The following MAP1LC3B2 variants were observed in gnomAD, a reference collection of about 807,000 sequenced individuals.
MAP1LC3B2 encodes the protein microtubule-associated protein 1 light chain 3 beta 2.
For synonymous variants in MAP1LC3B2, 62 were observed against 57.8 expected (o/e 1.07, Z -0.33); for missense variants, 155 against 154.6 (o/e 1.00, Z -0.01).
At chr12:116,571,797 A>G (rs1426183283) in intron 1 of MAP1LC3B2, among the ~76,000 whole-genome samples, 2 of 151,856 alleles carry the variant, frequency 1.3e-5, no homozygotes, top group Admixed American at 6.6e-5. Context: ...TGCTATTCTT[A>G]GGGACGTTAT....
chr12:116,560,197 T>TATATATAC (rs1869220031), intron 1 of MAP1LC3B2: 5 of 7,880 alleles, frequency 6.3e-4, no homozygotes, highest in Admixed American at 4.6e-3. Flanking sequence ...GCTATATATA[T>TATATATAC]ATATATATAT....
intron 1 of MAP1LC3B2, among the ~76,000 whole-genome samples, chr12:116,567,571 C>T (rs1310384895): frequency 6.6e-6 from 1 of 150,378 alleles, no homozygotes; most frequent in Non-Finnish European, 1.5e-5. Context: ...AACATGTTGA[C>T]TCCAGGTCTC....
Position 116,572,962 on chromosome 12 carries a change from G to C in MAP1LC3B2, c.-101-2880G>C, listed in dbSNP as rs114697808. Reference sequence around the variant, plus strand: ...TTTTCCTGAGACAGTCTGGAGTCTGGTTCTGTCTCCCAGGGCCAGTGGCAC... The same window carrying C: ...TTTTCCTGAGACAGTCTGGAGTCTGCTTCTGTCTCCCAGGGCCAGTGGCAC... On this transcript the variant is annotated intron_variant, in intron 1 of 1. Transcript: ENST00000556529. 5.7e-3 allele frequency among the ~76,000 whole-genome samples: 866 copies of C among 152,176 alleles called. 8 individuals carry two copies. Among genetic ancestry groups the C allele is most frequent in the African/African-American group, 0.02 (815 of 41,540 alleles).
intron 1 of MAP1LC3B2, among the ~76,000 whole-genome samples, chr12:116,563,509 G>A (rs1428390847): frequency 6.6e-6 from 1 of 152,134 alleles, no homozygotes. Context: ...TATGTAATAT[G>A]TATTTTTACC....
At chr12:116,565,644 A>G (rs1869368098) in intron 1 of MAP1LC3B2, among the ~76,000 whole-genome samples, 1 of 152,216 alleles carries the variant, frequency 6.6e-6, no homozygotes, top group Admixed American at 6.5e-5. Context: ...CTCCATGCCC[A>G]TGGGGTCCTT....
At chr12:116,570,646 G>C (rs1432582900) in intron 1 of MAP1LC3B2, among the ~76,000 whole-genome samples, 1 of 152,146 alleles carries the variant, frequency 6.6e-6, no homozygotes, top group Non-Finnish European at 1.5e-5. Context: ...TCTCTTGCCT[G>C]CTGCCATGTA....
intron 1 of MAP1LC3B2, among the ~76,000 whole-genome samples, chr12:116,571,732 C>T (rs886298269): frequency 3.3e-5 from 5 of 151,802 alleles, no homozygotes; most frequent in African/African-American, 1.2e-4. Context: ...CCGCCTGTCT[C>T]GGCCGCCCAA....
chr12:116,567,915 C>G (rs1869433284), intron 1 of MAP1LC3B2, among the ~76,000 whole-genome samples: 1 of 152,090 alleles, frequency 6.6e-6, no homozygotes, highest in African/African-American at 2.4e-5. Context: ...GGGGAAGTGT[C>G]TGGAGCCTGC....
chr12:116,570,435 G>A (rs1278574901), intron 1 of MAP1LC3B2, among the ~76,000 whole-genome samples: 1 of 152,206 alleles, frequency 6.6e-6, no homozygotes, highest in African/African-American at 2.4e-5. Flanking sequence ...AGTAGGCTAG[G>A]TGATATGGTT....
At chr12:116,566,616 TAAAAAAAAAAA>T (rs58530141) in intron 1 of MAP1LC3B2, among the ~76,000 whole-genome samples, 2 of 91,624 alleles carry the variant, frequency 2.2e-5, no homozygotes, top group South Asian at 4.1e-4. Flanking sequence ...AGTCAGTGAT[TAAAAAAAAAAA>T]AAAAAAAAAA....
At chr12:116,570,642 G>A (rs574241750) in intron 1 of MAP1LC3B2, among the ~76,000 whole-genome samples, 1 of 152,186 alleles carries the variant, frequency 6.6e-6, no homozygotes, top group East Asian at 1.9e-4. Flanking sequence ...ATTCTCTCTT[G>A]CCTGCTGCCA....
chr12:116,569,677 T>C (rs748962095), intron 1 of MAP1LC3B2, among the ~76,000 whole-genome samples: 17 of 152,184 alleles, frequency 1.1e-4, no homozygotes, highest in Non-Finnish European at 2.1e-4. Flanking sequence ...ATGGCGCTTA[T>C]ATACATACCT....
At chr12:116,570,148 A>C (rs1869490942) in intron 1 of MAP1LC3B2, among the ~76,000 whole-genome samples, 1 of 152,218 alleles carries the variant, frequency 6.6e-6, no homozygotes, top group Non-Finnish European at 1.5e-5. Context: ...AGGGGCAAAG[A>C]GGGAAATACC....
rs1271999087 is a variant in MAP1LC3B2 at position 116,559,400 on chromosome 12, C to T, written c.-135C>T. The T allele has an allele frequency of 6.6e-6, 1 of 152,304 alleles. No homozygotes were observed. The highest frequency in any genetic ancestry group is 2.4e-5 in the African/African-American group (1 of 41,462). The allele number at this position is 152,304 out of a possible 1,614,324, so 9.4% of individuals were successfully genotyped here. A position where few individuals can be genotyped will look rare whatever the true frequency, so the allele number is the denominator to read the frequency against. Reference sequence around the variant, plus strand: ...GCCTCCGCAAGGCTCGCAGCCACCTCTCGGGAGTGCAGGGCCAGATCCTGT... The same window carrying T: ...GCCTCCGCAAGGCTCGCAGCCACCTTTCGGGAGTGCAGGGCCAGATCCTGT... On this transcript the variant is annotated 5_prime_UTR_variant, in exon 1 of 2. Coordinates refer to ENST00000556529, the MANE Select transcript of MAP1LC3B2 (RefSeq NM_001085481.3).
intron 1 of MAP1LC3B2, among the ~76,000 whole-genome samples, chr12:116,566,651 G>A (rs909692519): frequency 7.0e-6 from 1 of 143,568 alleles, no homozygotes; most frequent in East Asian, 2.1e-4. Flanking sequence ...AAGAATTGAG[G>A]CCAGGTGTGG....
intron 1 of MAP1LC3B2, among the ~76,000 whole-genome samples, chr12:116,574,014 A>G (rs1432989783): frequency 6.6e-6 from 1 of 152,160 alleles, no homozygotes; most frequent in East Asian, 1.9e-4. Context: ...AAAATGGAAC[A>G]TATGTGTAAC....
chr12:116,571,317 C>G (rs1159538667), intron 1 of MAP1LC3B2, among the ~76,000 whole-genome samples: 1 of 152,140 alleles, frequency 6.6e-6, no homozygotes, highest in Non-Finnish European at 1.5e-5. Flanking sequence ...AGTAAGGAAA[C>G]CCAGCATTTG....
chr12:116,575,464 G>A (rs1869648743), intron 1 of MAP1LC3B2, among the ~76,000 whole-genome samples: 1 of 152,114 alleles, frequency 6.6e-6, no homozygotes, highest in African/African-American at 2.4e-5. Flanking sequence ...TTTAAAAACA[G>A]AATTAGGGGT....
chr12:116,559,587 C>T (rs1054412249), intron 1 of MAP1LC3B2, among the ~76,000 whole-genome samples, 154 bp downstream of exon 1: 6 of 152,242 alleles, frequency 3.9e-5, no homozygotes, highest in Non-Finnish European at 7.3e-5. Flanking sequence ...TCTGCTTTCA[C>T]TAGTCAGACC....
Sources: gnomAD v4.1 joint callset for allele counts (sites outside exome capture counted in the v4.1 genomes callset) on GRCh38, gnomAD v4.1.1 for gene constraint, MANE v1.5 for transcripts, NCBI Gene and HGNC (gene_info 2026-07-23, HGNC 2026-07-21) for gene names.